CRPPA: variants seen among roughly 807,000 people sequenced by gnomAD.
The protein encoded by CRPPA is D-ribitol-5-phosphate cytidylyltransferase.
In CRPPA, 43 loss-of-function variants were observed where a neutral mutation model predicts 52.0. That is an observed-to-expected ratio of 0.83 (90% CI 0.65 to 1.07). The LOEUF is 1.07. CRPPA is among the 50% of genes least tolerant of loss of function. The pLI, the probability that CRPPA is intolerant of heterozygous loss-of-function variation, is 0.00. For synonymous variants in CRPPA, 250 were observed against 203.5 expected (o/e 1.23, Z -1.94); for missense variants, 629 against 551.7 (o/e 1.14, Z -1.40).
intron 5 of CRPPA, among the ~76,000 whole-genome samples, chr7:16,286,532 C>T (rs1044850826): frequency 6.6e-6 from 1 of 151,932 alleles, no homozygotes; most frequent in Non-Finnish European, 1.5e-5. Flanking sequence ...TCATGCTATA[C>T]AAAGCAATCA....
At chr7:16,392,487 C>T (rs879429024) in intron 2 of CRPPA, among the ~76,000 whole-genome samples, 1 of 152,086 alleles carries the variant, frequency 6.6e-6, no homozygotes, top group Admixed American at 6.6e-5. Context: ...ATATTCCAAG[C>T]ATTATGCTTT....
At chr7:16,266,840 C>T (rs1275141402) in intron 6 of CRPPA, among the ~76,000 whole-genome samples, 1 of 152,098 alleles carries the variant, frequency 6.6e-6, no homozygotes, top group African/African-American at 2.4e-5. Context: ...TGCAAAATAC[C>T]ACCCTGCTTT....
chr7:16,341,884 C>T (rs1295044436), intron 3 of CRPPA, among the ~76,000 whole-genome samples: 4 of 152,030 alleles, frequency 2.6e-5, no homozygotes, highest in Non-Finnish European at 4.4e-5. Context: ...GTCTAACTTC[C>T]CTCCCTTTCC....
chr7:16,147,007 C>T (rs1485701323), intron 9 of CRPPA, among the ~76,000 whole-genome samples: 1 of 152,130 alleles, frequency 6.6e-6, no homozygotes, highest in African/African-American at 2.4e-5. Context: ...TTCTACGCTG[C>T]CTGCAAGAAA....
chr7:16,130,851 C>A (rs1308157724), intron 9 of CRPPA, among the ~76,000 whole-genome samples: 4 of 151,968 alleles, frequency 2.6e-5, no homozygotes, highest in Non-Finnish European at 5.9e-5. Flanking sequence ...GGAGGTAAGG[C>A]CTTTGGGGGG....
chr7:16,265,570 T>C (rs1783931610), intron 6 of CRPPA, among the ~76,000 whole-genome samples: 1 of 152,212 alleles, frequency 6.6e-6, no homozygotes, highest in African/African-American at 2.4e-5. Flanking sequence ...AAGTCATTCA[T>C]CTTTGAATAT....
chr7:16,411,304 T>A (rs1315384392), intron 1 of CRPPA, among the ~76,000 whole-genome samples: 1 of 152,172 alleles, frequency 6.6e-6, no homozygotes, highest in Non-Finnish European at 1.5e-5. Context: ...CTCTGGGGCC[T>A]ATAACTTTAG....
intron 5 of CRPPA, among the ~76,000 whole-genome samples, chr7:16,290,714 C>T (rs558770072): frequency 2.0e-5 from 3 of 152,096 alleles, no homozygotes; most frequent in Admixed American, 1.3e-4. Flanking sequence ...AGAGGAAATG[C>T]TTCAGGACAT....
rs541794511 is a variant in CRPPA, at chr7:16,134,213, G to C, written c.1252-42414C>G. On this transcript the variant is annotated intron_variant, in intron 9 of 9. Transcript: ENST00000407010. ...CCTAAAGTGCTGGGATTACAGGCGT[G>C]AGACGCCACACACGGACCTTATGAT... is the stretch of plus-strand genomic sequence containing the variant. Among the ~76,000 whole-genome samples the C allele has an allele frequency of 3.2e-5, 4 of 125,332 alleles. 1 individual carries two copies. The highest frequency in any genetic ancestry group is 1.0e-4 in the African/African-American group (4 of 38,682). The allele number at this position is 125,332 out of a possible 152,430, so 82.2% of individuals were successfully genotyped here.
At chr7:16,094,177 A>G (rs1781891918) in intron 9 of CRPPA, among the ~76,000 whole-genome samples, 1 of 152,188 alleles carries the variant, frequency 6.6e-6, no homozygotes, top group South Asian at 2.1e-4. Context: ...AATTTTTTAC[A>G]GGCTTCATTT....
intron 6 of CRPPA, chr7:16,269,713 A>C (rs1379760135): frequency 6.6e-6 from 1 of 152,200 alleles, no homozygotes; most frequent in Non-Finnish European, 1.5e-5. Context: ...TCCCAGAACC[A>C]CCAAAACCTT....
intron 2 of CRPPA, among the ~76,000 whole-genome samples, chr7:16,391,291 T>C (rs1173330614): frequency 6.6e-6 from 1 of 152,130 alleles, no homozygotes; most frequent in African/African-American, 2.4e-5. Context: ...TCCCCCACTC[T>C]TATAATTCAG....
At chr7:16,231,657 A>G (rs1782800190) in intron 8 of CRPPA, among the ~76,000 whole-genome samples, 1 of 152,162 alleles carries the variant, frequency 6.6e-6, no homozygotes, top group Admixed American at 6.6e-5. Flanking sequence ...TTTACATAAA[A>G]AAATTTCCAA....
chr7:16,197,480 G>A (rs557710975), intron 9 of CRPPA, among the ~76,000 whole-genome samples: 6 of 151,950 alleles, frequency 3.9e-5, no homozygotes, highest in African/African-American at 7.3e-5. Flanking sequence ...TGGGATGACC[G>A]GTATGCACTC....
chr7:16,416,855 G>A (rs1266017780), intron 1 of CRPPA, among the ~76,000 whole-genome samples: 1 of 150,922 alleles, frequency 6.6e-6, no homozygotes, highest in Non-Finnish European at 1.5e-5. Context: ...AAAAACAATA[G>A]AGCTTCTGCA....
intron 9 of CRPPA, among the ~76,000 whole-genome samples, chr7:16,119,765 C>T (rs1284613749): frequency 6.6e-6 from 1 of 152,168 alleles, no homozygotes; most frequent in African/African-American, 2.4e-5. Context: ...AAGTTTAATT[C>T]ACCAGAGGCC....
chr7:16,159,315 A>G (rs1394423776), intron 9 of CRPPA, among the ~76,000 whole-genome samples: 1 of 152,096 alleles, frequency 6.6e-6, no homozygotes, highest in East Asian at 1.9e-4. Context: ...CCTGGATAGC[A>G]GTGCTTCCCA....
At chr7:16,414,277 C>CTTA (rs1248432146) in intron 1 of CRPPA, among the ~76,000 whole-genome samples, 1 of 151,564 alleles carries the variant, frequency 6.6e-6, no homozygotes, top group East Asian at 1.9e-4. Flanking sequence ...GTTTGCCTTT[C>CTTA]TTAATCCCTT....
At chr7:16,292,655 A>T (rs796111061) in intron 5 of CRPPA, among the ~76,000 whole-genome samples, 1 of 152,120 alleles carries the variant, frequency 6.6e-6, no homozygotes, top group African/African-American at 2.4e-5. Context: ...CAACTCCCTG[A>T]TTAATGTTAT....
Sources: allele counts gnomAD v4.1 joint callset (sites outside exome capture counted in the v4.1 genomes callset), GRCh38; gene constraint gnomAD v4.1.1; transcripts MANE v1.5; gene names NCBI Gene and HGNC (gene_info 2026-07-23, HGNC 2026-07-21).